The following GALNTL6 variants were observed in gnomAD, a reference collection of about 807,000 sequenced individuals.
GALNTL6 encodes polypeptide N-acetylgalactosaminyltransferase-like 6.
A neutral mutation model predicts 73.7 loss-of-function variants in GALNTL6; 46 were observed. That is an observed-to-expected ratio of 0.62 (90% CI 0.49 to 0.80). The LOEUF (loss-of-function observed/expected upper bound fraction) is 0.80, where lower values mean the gene tolerates loss of function less well. Among genes scored for constraint, GALNTL6 ranks in the 30% least tolerant of loss-of-function variants. The pLI is 0.00. For missense variants in GALNTL6, 604 were observed against 755.0 expected (o/e 0.80, Z 2.34); for synonymous variants, 259 against 263.7 (o/e 0.98, Z 0.17).
intron 2 of GALNTL6, among the ~76,000 whole-genome samples, chr4:172,084,186 G>A (rs1731961852): frequency 6.6e-6 from 1 of 152,160 alleles, no homozygotes; most frequent in South Asian, 2.1e-4. Flanking sequence ...GGTGATTGAT[G>A]ACATTGAAAT....
intron 7 of GALNTL6, among the ~76,000 whole-genome samples, chr4:172,837,437 AT>A (rs760347758): frequency 6.6e-6 from 1 of 152,200 alleles, no homozygotes; most frequent in African/African-American, 2.4e-5. Context: ...TGAAAAAAAA[AT>A]ATGAAAGAAG....
In GALNTL6 at chr4:173,030,126, C is replaced by A. The variant is rs557344189; in HGVS notation, c.1638+8501C>A. 6.8e-5 allele frequency among the ~76,000 whole-genome samples: 10 copies of A among 147,872 alleles called. No homozygotes were observed. The South Asian group carries it at 2.1e-3, about 31-fold the overall frequency. The stretch of plus-strand genomic sequence containing the variant: ...CCAGATGCCCAATGTCTGCAACATA[C>A]CCCTTTTGGTAACAGAGGACTTATG... On this transcript the variant is annotated intron_variant, in intron 12 of 12. Coordinates refer to ENST00000506823, the MANE Select transcript of GALNTL6 (RefSeq NM_001034845.3).
Position 171,876,134 on chromosome 4 carries a change from A to G in GALNTL6, c.138+61416A>G, listed in dbSNP as rs370954568. 2.0e-5 allele frequency among the ~76,000 whole-genome samples: 3 copies of G among 152,320 alleles called. No homozygotes were observed. The East Asian group carries it at 5.8e-4, about 29-fold the overall frequency. On this transcript the variant is annotated intron_variant, in intron 2 of 12. Transcript: ENST00000506823. ...TTTTCTGTTCAATAAACGGATTCTT[A>G]GCAAGGCTGTGGCTTCTCTGTTACT...
intron 2 of GALNTL6, among the ~76,000 whole-genome samples, chr4:171,946,854 C>T (rs944186230): frequency 6.6e-6 from 1 of 151,514 alleles, no homozygotes; most frequent in African/African-American, 2.4e-5. Context: ...AGAACAACTC[C>T]AGAGTGTAGG....
intron 2 of GALNTL6, among the ~76,000 whole-genome samples, chr4:171,991,425 T>C (rs1042415280): frequency 6.6e-5 from 10 of 152,036 alleles, no homozygotes; most frequent in Non-Finnish European, 1.0e-4. Context: ...TAAAACTTAA[T>C]TTGAAGTGTC....
At chr4:172,281,219 G>T (rs1176837242) in intron 3 of GALNTL6, among the ~76,000 whole-genome samples, 1 of 152,100 alleles carries the variant, frequency 6.6e-6, no homozygotes, top group Non-Finnish European at 1.5e-5. Context: ...AGTTCCGGAA[G>T]TGAGAAGTCC....
chr4:171,857,125 T>C (rs1030035131), intron 2 of GALNTL6, among the ~76,000 whole-genome samples: 2 of 152,170 alleles, frequency 1.3e-5, no homozygotes, highest in African/African-American at 4.8e-5. Flanking sequence ...GGTTGAATGT[T>C]AGTGTATAGT....
At chr4:172,783,350 A>AT (rs1431958649) in intron 5 of GALNTL6, among the ~76,000 whole-genome samples, 2 of 147,944 alleles carry the variant, frequency 1.4e-5, no homozygotes, top group African/African-American at 4.9e-5. Context: ...GCTTTTTAAA[A>AT]ATATATAAAT....
chr4:171,888,146 G>A (rs1421180417), intron 2 of GALNTL6, among the ~76,000 whole-genome samples: 2 of 151,836 alleles, frequency 1.3e-5, no homozygotes. Flanking sequence ...TTACTGCAAT[G>A]CAATTTTATG....
At chr4:171,959,999 C>A (rs1739174704) in intron 2 of GALNTL6, among the ~76,000 whole-genome samples, 1 of 152,140 alleles carries the variant, frequency 6.6e-6, no homozygotes. Flanking sequence ...CATATCTGAA[C>A]AATTTAGTTG....
intron 2 of GALNTL6, among the ~76,000 whole-genome samples, chr4:172,023,367 G>C (rs1741460339): frequency 6.6e-6 from 1 of 151,084 alleles, no homozygotes; most frequent in African/African-American, 2.4e-5. Flanking sequence ...AATCACAATT[G>C]TTTTCTCCAT....
chr4:172,274,910 A>G (rs1738776394), intron 3 of GALNTL6, among the ~76,000 whole-genome samples: 1 of 152,204 alleles, frequency 6.6e-6, no homozygotes, highest in South Asian at 2.1e-4. Context: ...AGAAGCTAGA[A>G]GTAACAATGT....
At chr4:172,581,290 C>T (rs1345194682) in intron 5 of GALNTL6, among the ~76,000 whole-genome samples, 1 of 152,190 alleles carries the variant, frequency 6.6e-6, no homozygotes, top group African/African-American at 2.4e-5. Flanking sequence ...TGCATGCATA[C>T]TAAGTCCATT....
chr4:172,341,764 C>T, intron 4 of GALNTL6, among the ~76,000 whole-genome samples: 1 of 152,122 alleles, frequency 6.6e-6, no homozygotes, highest in Non-Finnish European at 1.5e-5. Flanking sequence ...TGAAGCTTCC[C>T]CAACCATACG....
At chr4:172,338,210 T>C (rs905077230) in intron 4 of GALNTL6, among the ~76,000 whole-genome samples, 1 of 152,192 alleles carries the variant, frequency 6.6e-6, no homozygotes, top group Admixed American at 6.5e-5. Flanking sequence ...AACCTTGTCT[T>C]GAATATCATT....
At chr4:172,458,046 A>C (rs1732464043) in intron 5 of GALNTL6, among the ~76,000 whole-genome samples, 1 of 152,182 alleles carries the variant, frequency 6.6e-6, no homozygotes, top group Non-Finnish European at 1.5e-5. Flanking sequence ...CAATCAAATT[A>C]GAACTCAGGA....
At chr4:171,968,687 G>C (rs72696996) in intron 2 of GALNTL6, among the ~76,000 whole-genome samples, 4,768 of 152,234 alleles carry the variant, frequency 0.031, 109 homozygotes, top group Non-Finnish European at 0.044. Flanking sequence ...CTTTTCTTGT[G>C]GTAGAGAAAG....
chr4:172,553,228 C>T (rs1736029100), intron 5 of GALNTL6, among the ~76,000 whole-genome samples: 1 of 152,112 alleles, frequency 6.6e-6, no homozygotes, highest in Admixed American at 6.6e-5. Context: ...CAGTTTCTTC[C>T]AAGACACTTG....
intron 2 of GALNTL6, among the ~76,000 whole-genome samples, chr4:172,212,699 C>T (rs188893841): frequency 1.5e-4 from 23 of 151,984 alleles, no homozygotes; most frequent in Non-Finnish European, 2.6e-4. Context: ...TGGAGTTTCG[C>T]TCTTGTTGCC....
Sources: allele counts gnomAD v4.1 joint callset (sites outside exome capture counted in the v4.1 genomes callset), GRCh38; gene constraint gnomAD v4.1.1; transcripts MANE v1.5; gene names NCBI Gene and HGNC (gene_info 2026-07-23, HGNC 2026-07-21).